Variants in LITAF observed in about 807,000 individuals in gnomAD.
LITAF encodes lipopolysaccharide induced TNF factor.
In LITAF, 9 loss-of-function variants were observed where a neutral mutation model predicts 14.5. The observed-to-expected ratio is 0.62, with a 90% CI of 0.37 to 1.08. LITAF has a LOEUF of 1.08. Ranked by LOEUF, LITAF falls within the 50% of genes least tolerant of loss-of-function variation. LITAF has a pLI of 0.01. For missense variants in LITAF, 206 were observed against 213.4 expected (o/e 0.97, Z 0.22); for synonymous variants, 98 against 88.2 (o/e 1.11, Z -0.62).
chr16:11,578,408 G>A (rs778585950), intron 1 of LITAF, among the ~76,000 whole-genome samples: 126 of 152,052 alleles, frequency 8.3e-4, no homozygotes, highest in Non-Finnish European at 3.4e-4. Flanking sequence ...GCACATGCCT[G>A]TAATCCCAGC....
In LITAF at chr16:11,586,699, C is replaced by A. The variant is rs2064811758; in HGVS notation, c.-6+187G>T. On this transcript the variant is annotated intron_variant, in intron 1 of 3. Coordinates refer to ENST00000622633, the MANE Select transcript of LITAF (RefSeq NM_001136472.2). This position sits in a 1 kb window ranked among gnomAD's most constrained non-coding sequence, Gnocchi z 6.5. ...GGACCAGCGCTGGGAGGCCGGACCC[C>A]GCCCCGGCCGGGCCCCCACGCCCTC... is the stretch of plus-strand genomic sequence containing the variant. 6.6e-6 allele frequency among the ~76,000 whole-genome samples: 1 copy of A among 151,438 alleles called. No individual in the cohort carries two copies. Among genetic ancestry groups the A allele is most frequent in the South Asian group, 2.1e-4 (1 of 4,832 alleles).
Position 11,556,257 on chromosome 16 carries a change from C to G in LITAF, c.220+254G>C, listed in dbSNP as rs1597332330. On this transcript the variant is annotated intron_variant, in intron 2 of 3. Coordinates refer to ENST00000622633, the MANE Select transcript of LITAF (RefSeq NM_001136472.2). ...CTCAGAAGAAAGTTGGTTGTGCCTC[C>G]AAGAGATGTGCCAAAAGATTCGTAT... 3.8e-5 allele frequency: 21 copies of G among 546,206 alleles called. No individual in the cohort carries two copies. The South Asian group carries it at 5.8e-4, about 15-fold the overall frequency. The allele number at this position is 546,206 out of a possible 1,614,324, so 33.8% of individuals were successfully genotyped here.
intron 1 of LITAF, among the ~76,000 whole-genome samples, chr16:11,574,144 C>T (rs1355843343): frequency 2.6e-5 from 4 of 152,160 alleles, no homozygotes; most frequent in Admixed American, 1.3e-4. Context: ...CAGGCTCAAG[C>T]GATCCTCCTG....
At chr16:11,606,741 T>A (rs962408487) in intron 3 of LITAF, among the ~76,000 whole-genome samples, 11 of 149,498 alleles carry the variant, frequency 7.4e-5, no homozygotes, top group Non-Finnish European at 1.5e-4. Context: ...TTCAATCGAA[T>A]TTCCTGCCTC....
intron 3 of LITAF, among the ~76,000 whole-genome samples, chr16:11,625,100 A>G (rs1461454381): frequency 2.0e-5 from 3 of 152,188 alleles, no homozygotes; most frequent in Admixed American, 6.5e-5. Flanking sequence ...TGAGAACTCA[A>G]TTTCCCAGAA....
At chr16:11,623,316 T>C (rs1487947309) in intron 3 of LITAF, among the ~76,000 whole-genome samples, 5 of 152,006 alleles carry the variant, frequency 3.3e-5, no homozygotes, top group Admixed American at 6.6e-5. Context: ...TTGGAAAGTC[T>C]GTGGTAAGGA....
chr16:11,621,580 C>T (rs1231085355), intron 3 of LITAF, among the ~76,000 whole-genome samples: 2 of 152,166 alleles, frequency 1.3e-5, no homozygotes, highest in Non-Finnish European at 2.9e-5. Context: ...CCCTCAGAAG[C>T]AGGCCTCCAT....
intron 3 of LITAF, among the ~76,000 whole-genome samples, chr16:11,612,889 G>A (rs536666122): frequency 1.3e-5 from 2 of 152,292 alleles, no homozygotes; most frequent in African/African-American, 4.8e-5. Flanking sequence ...GAAGACTTGT[G>A]GGAACCCTGT....
chr16:11,592,757 C>G (rs1183889054), intron 1 of LITAF, among the ~76,000 whole-genome samples: 1 of 151,952 alleles, frequency 6.6e-6, no homozygotes, highest in Non-Finnish European at 1.5e-5. Flanking sequence ...AATTTGGGGT[C>G]GGGCACGGTG....
upstream of LITAF, among the ~76,000 whole-genome samples, chr16:11,602,509 G>A (rs891780524): frequency 1.6e-4 from 25 of 152,142 alleles, no homozygotes; most frequent in Admixed American, 9.2e-4. Context: ...AGCTGGCCTC[G>A]TGTGTCACTG....
At chr16:11,618,127 C>T (rs996728432) in intron 3 of LITAF, among the ~76,000 whole-genome samples, 8 of 152,164 alleles carry the variant, frequency 5.3e-5, no homozygotes, top group African/African-American at 1.9e-4. Context: ...CCTCCCCAGT[C>T]AGCTACTGGG....
rs1460147512 is a variant in LITAF, at chr16:11,552,000, C to T, written c.377+1533G>A. ...TGTGGGCAAGAGGGGGAATCAGGTG[C>T]CCAGAAAGCTGTTTTGTCTCCTTCC... On this transcript the variant is annotated intron_variant, in intron 3 of 3. Coordinates refer to ENST00000622633, the MANE Select transcript of LITAF (RefSeq NM_001136472.2). Among the ~76,000 whole-genome samples, 3 of 152,132 alleles carry T rather than the reference C, an allele frequency of 2.0e-5. No individual in the cohort carries two copies. The East Asian group carries it at 5.8e-4, about 29-fold the overall frequency.
intron 3 of LITAF, among the ~76,000 whole-genome samples, chr16:11,631,179 G>C (rs1166601001): frequency 6.6e-6 from 1 of 152,198 alleles, no homozygotes; most frequent in East Asian, 1.9e-4. Flanking sequence ...TTACAAGTGA[G>C]CTATCGGTGT....
At chr16:11,611,335 C>G (rs906095992) in intron 3 of LITAF, among the ~76,000 whole-genome samples, 1 of 152,044 alleles carries the variant, frequency 6.6e-6, no homozygotes, top group African/African-American at 2.4e-5. Context: ...AGAACGAGAC[C>G]CTGTCTGCAA....
At chr16:11,581,365 T>C (rs2064730386) in intron 1 of LITAF, among the ~76,000 whole-genome samples, 1 of 152,110 alleles carries the variant, frequency 6.6e-6, no homozygotes. Flanking sequence ...AAAATTTGAG[T>C]GCTTTGGGGT....
Position 11,634,072 on chromosome 16 carries a change from C to T in LITAF, c.-20-435G>A, listed in dbSNP as rs528173880. Among the ~76,000 whole-genome samples, 1 of 152,328 alleles carries T rather than the reference C, an allele frequency of 6.6e-6. No individual in the cohort carries two copies. The highest frequency in any genetic ancestry group is 1.5e-5 in the Non-Finnish European group (1 of 68,030). On this transcript the variant is annotated intron_variant, in intron 2 of 3. Transcript: ENST00000574848. This position sits in a 1 kb window ranked among gnomAD's most constrained non-coding sequence, Gnocchi z 4.1. Reference sequence around the variant, plus strand: ...TGCAGAGGGACATACAGAACCTCAACAACTCACATGCAAATGGACACACAG... The same window carrying T: ...TGCAGAGGGACATACAGAACCTCAATAACTCACATGCAAATGGACACACAG...
chr16:11,556,404 A>T, intron 2 of LITAF, 107 bp downstream of exon 2: 2 of 923,322 alleles, frequency 2.2e-6, no homozygotes, highest in Middle Eastern at 2.2e-4. Context: ...ACTGGAACGT[A>T]CTGGCACTTC....
At chr16:11,625,655 C>T (rs2065079143) in intron 3 of LITAF, among the ~76,000 whole-genome samples, 1 of 152,088 alleles carries the variant, frequency 6.6e-6, no homozygotes, top group South Asian at 2.1e-4. Context: ...CCCTGAGTTC[C>T]CCTAGGTTGT....
chr16:11,573,755 G>T (rs1454924117), intron 1 of LITAF, among the ~76,000 whole-genome samples: 2 of 141,992 alleles, frequency 1.4e-5, no homozygotes, highest in Non-Finnish European at 3.0e-5. Context: ...AGGTTGGAGT[G>T]CAGTGGCGCG....
Sources: gnomAD v4.1 joint callset for allele counts (sites outside exome capture counted in the v4.1 genomes callset) on GRCh38, gnomAD v4.1.1 for gene constraint, Gnocchi (gnomAD v3.1) non-coding constraint, MANE v1.5 for transcripts, NCBI Gene and HGNC (gene_info 2026-07-23, HGNC 2026-07-21) for gene names.